SBF2: variants seen among roughly 807,000 people sequenced by gnomAD.
SBF2 encodes the protein myotubularin-related protein 13.
A neutral mutation model predicts 225.2 loss-of-function variants in SBF2; 112 were observed. The ratio of observed to expected loss-of-function variants is 0.50; its 90% CI spans 0.43 to 0.58. The LOEUF (loss-of-function observed/expected upper bound fraction) is 0.58, where lower values mean the gene tolerates loss of function less well. SBF2 is among the 20% of genes least tolerant of loss of function. SBF2 has a pLI of 0.00. For missense variants in SBF2, 1,996 were observed against 2,206.2 expected, an observed-to-expected ratio of 0.90 and a Z score of 1.91; for synonymous variants, 763 against 773.3, an observed-to-expected ratio of 0.99 and a Z score of 0.22.
At chr11:10,176,658 G>GTT (rs1956477461) in intron 2 of SBF2, among the ~76,000 whole-genome samples, 1 of 152,142 alleles carries the variant, frequency 6.6e-6, no homozygotes, top group Non-Finnish European at 1.5e-5. Context: ...TTGAATCTCT[G>GTT]AATAGACCAA....
chr11:9,900,044 T>TAA lies in SBF2; in HGVS notation c.1861-4035_1861-4034dup, dbSNP rs1347991488. On this transcript the variant is annotated intron_variant, in intron 16 of 39. Coordinates refer to ENST00000256190, the MANE Select transcript of SBF2 (RefSeq NM_030962.4). ...TCCTTTTCTTCTTTTTTTTTTTTTT[T>TAA]AAAAAAAAAAAACAGGATTTGGCAG... Among the ~76,000 whole-genome samples, 269 of 140,446 alleles carry TAA rather than the reference T, an allele frequency of 1.9e-3. 2 individuals carry two copies. Among genetic ancestry groups the TAA allele is most frequent in the African/African-American group, 5.1e-3 (193 of 37,838 alleles). The allele number at this position is 140,446 out of a possible 152,430, so 92.1% of individuals were successfully genotyped here.
intron 16 of SBF2, chr11:9,961,578 G>A (rs2403225): frequency 0.99 from 155,686 of 157,160 alleles, 77,133 homozygotes; most frequent in Middle Eastern, 1. Flanking sequence ...TTCATTTATC[G>A]TTTGGATTAT....
chr11:9,959,647 G>A (rs757255656), intron 16 of SBF2: 22 of 751,340 alleles, frequency 2.9e-5, no homozygotes, highest in Non-Finnish European at 4.8e-5. Flanking sequence ...TCTTCCACAC[G>A]CTTGGGTTCA....
chr11:10,095,351 T>C (rs1951973049), intron 2 of SBF2, among the ~76,000 whole-genome samples: 1 of 152,208 alleles, frequency 6.6e-6, no homozygotes, highest in African/African-American at 2.4e-5. Context: ...TGACAACTCC[T>C]GATGTAAGAC....
At chr11:10,118,448 T>C (rs1953271135) in intron 2 of SBF2, among the ~76,000 whole-genome samples, 1 of 152,208 alleles carries the variant, frequency 6.6e-6, no homozygotes, top group Non-Finnish European at 1.5e-5. Flanking sequence ...AAATTACAAG[T>C]AATATTTATC....
At chr11:9,819,369 TTGAG>T (rs796765268) in intron 28 of SBF2, 6 of 152,126 alleles carry the variant, frequency 3.9e-5, no homozygotes, top group African/African-American at 1.4e-4. Context: ...TCAGAGCAGA[TTGAG>T]TAAGAGAAGA....
chr11:10,029,996 T>G, intron 4 of SBF2, 121 bp from the exon 5 acceptor site: 1 of 746,302 alleles, frequency 1.3e-6, no homozygotes, highest in Non-Finnish European at 2.4e-6. Context: ...ACAGTGAACA[T>G]GGAATACATT....
At chr11:9,975,736 CATCATT>C (rs2134412862) in intron 13 of SBF2, among the ~76,000 whole-genome samples, 1 of 152,268 alleles carries the variant, frequency 6.6e-6, no homozygotes, top group East Asian at 1.9e-4. Flanking sequence ...TTCATTTCAT[CATCATT>C]ATCTATATAA....
At chr11:9,817,439 C>G (rs182076039) in intron 28 of SBF2, among the ~76,000 whole-genome samples, 280 of 152,208 alleles carry the variant, frequency 1.8e-3, no homozygotes, top group African/African-American at 6.4e-3. Flanking sequence ...AAGGAACATT[C>G]TTCTGCTTAT....
intron 1 of SBF2, among the ~76,000 whole-genome samples, chr11:10,204,484 C>T (rs1489691927): frequency 6.6e-6 from 1 of 151,768 alleles, no homozygotes; most frequent in Non-Finnish European, 1.5e-5. Flanking sequence ...ACTAAAAACA[C>T]AAAAACTAGC....
intron 17 of SBF2, among the ~76,000 whole-genome samples, chr11:9,873,994 G>A (rs1455020206): frequency 6.6e-6 from 1 of 152,028 alleles, no homozygotes; most frequent in Admixed American, 6.6e-5. Context: ...AAGAGATGGA[G>A]GCTGCAGTGA....
chr11:10,296,375 T>C (rs2133650264), upstream of SBF2, among the ~76,000 whole-genome samples: 1 of 152,290 alleles, frequency 6.6e-6, no homozygotes, highest in East Asian at 1.9e-4. Context: ...CAGTTCCACA[T>C]GGCGGAAGGC....
intron 2 of SBF2, among the ~76,000 whole-genome samples, chr11:10,116,931 A>C (rs1953169589): frequency 6.6e-6 from 1 of 152,228 alleles, no homozygotes; most frequent in Non-Finnish European, 1.5e-5. Flanking sequence ...TTCCAAATTT[A>C]TGTTGAATAT....
intron 2 of SBF2, among the ~76,000 whole-genome samples, chr11:10,120,381 A>G (rs1409134078): frequency 6.6e-6 from 1 of 152,244 alleles, no homozygotes; most frequent in Non-Finnish European, 1.5e-5. Context: ...TAATGCTGCA[A>G]TGAATATGGG....
chr11:10,026,745 A>T (rs1476400959), intron 6 of SBF2, among the ~76,000 whole-genome samples: 3 of 151,868 alleles, frequency 2.0e-5, no homozygotes, highest in African/African-American at 4.8e-5. Flanking sequence ...CTCCAAAAAA[A>T]TTTTTTTTGT....
Position 10,206,831 on chromosome 11 carries a change from T to C in SBF2, c.56-12844A>G, listed in dbSNP as rs560284123. Among the ~76,000 whole-genome samples, 154 of 150,926 alleles carry C rather than the reference T, an allele frequency of 1.0e-3. 1 individual carries two copies. Among genetic ancestry groups the C allele is most frequent in the Non-Finnish European group, 1.9e-3 (126 of 67,412 alleles). On this transcript the variant is annotated intron_variant, in intron 1 of 39. Transcript: ENST00000256190. ...AAAACAAATTAAAATATAAAGAACATTGGGAACCCATGGGAGGTCCACAGA... is the reference window on the plus strand; with the variant it reads ...AAAACAAATTAAAATATAAAGAACACTGGGAACCCATGGGAGGTCCACAGA...
intron 16 of SBF2, among the ~76,000 whole-genome samples, chr11:9,943,550 C>A (rs761217156): frequency 6.6e-6 from 1 of 151,686 alleles, no homozygotes; most frequent in Non-Finnish European, 1.5e-5. Context: ...AGAAACAATG[C>A]GAAAGAAAAA....
chr11:9,819,661 G>T (rs1396533790), intron 28 of SBF2, among the ~76,000 whole-genome samples: 1 of 152,176 alleles, frequency 6.6e-6, no homozygotes, highest in African/African-American at 2.4e-5. Context: ...TAAGGAATTT[G>T]GGGTGTGTAT....
At chr11:9,997,733 G>A (rs1947768280) in intron 9 of SBF2, among the ~76,000 whole-genome samples, 2 of 152,320 alleles carry the variant, frequency 1.3e-5, no homozygotes, top group East Asian at 1.9e-4. Context: ...AGCCCAGATC[G>A]TGCCACTGCA....
Sources: gnomAD v4.1 joint callset for allele counts (sites outside exome capture counted in the v4.1 genomes callset) on GRCh38, gnomAD v4.1.1 for gene constraint, MANE v1.5 for transcripts, NCBI Gene and HGNC (gene_info 2026-07-23, HGNC 2026-07-21) for gene names.